The following TOM1L2 variants were observed in gnomAD, a reference collection of about 807,000 sequenced individuals.
TOM1L2 encodes the protein TOM1-like protein 2.
A neutral mutation model predicts 67.9 loss-of-function variants in TOM1L2; 31 were observed. The observed-to-expected ratio is 0.46, with a 90% CI of 0.34 to 0.62. The LOEUF (loss-of-function observed/expected upper bound fraction) is 0.62, where lower values mean the gene tolerates loss of function less well. TOM1L2 is among the 20% of genes least tolerant of loss of function. TOM1L2 has a pLI of 0.01. For synonymous variants in TOM1L2, 256 were observed against 254.0 expected (o/e 1.01, Z -0.07); for missense variants, 606 against 663.5 (o/e 0.91, Z 0.95).
At chr17:17,899,383 G>A (rs1343914620) in intron 2 of TOM1L2, among the ~76,000 whole-genome samples, 4 of 152,184 alleles carry the variant, frequency 2.6e-5, no homozygotes. Context: ...ACAGATCTGA[G>A]GTGGATTCCC....
At chr17:17,848,960 A>C in intron 13 of TOM1L2, 101 bp from the exon 14 acceptor site, 3 of 1,172,398 alleles carry the variant, frequency 2.6e-6, no homozygotes, top group Non-Finnish European at 3.7e-6. Flanking sequence ...AGCACTGCCC[A>C]GGGTAGCCTG....
intron 1 of TOM1L2, among the ~76,000 whole-genome samples, chr17:17,965,303 T>A (rs1488976177): frequency 1.3e-5 from 2 of 152,064 alleles, no homozygotes; most frequent in African/African-American, 4.8e-5. Flanking sequence ...CTCCACACAA[T>A]CAGGCCTTAT....
At chr17:17,951,428 T>C (rs1200700894) in intron 1 of TOM1L2, among the ~76,000 whole-genome samples, 1 of 152,204 alleles carries the variant, frequency 6.6e-6, no homozygotes, top group Non-Finnish European at 1.5e-5. Context: ...GGGTAGACAC[T>C]GTAGATTCTC....
At chr17:17,854,484 G>T (rs1195307497) in intron 12 of TOM1L2, among the ~76,000 whole-genome samples, 1 of 151,850 alleles carries the variant, frequency 6.6e-6, no homozygotes, top group Non-Finnish European at 1.5e-5. Context: ...ATGTGTCATA[G>T]TTTTATTTTT....
chr17:17,861,622 C>T, intron 11 of TOM1L2, 71 bp from the exon 12 acceptor site: 2 of 1,323,758 alleles, frequency 1.5e-6, no homozygotes. Context: ...GGGTAGTGGC[C>T]TGTAATCACT....
chr17:17,919,799 T>C (rs1167080658), intron 1 of TOM1L2, among the ~76,000 whole-genome samples: 1 of 152,158 alleles, frequency 6.6e-6, no homozygotes, highest in Non-Finnish European at 1.5e-5. Flanking sequence ...AATGAAAACC[T>C]GTTTATTTGG....
chr17:17,913,187 G>A (rs2039475561), intron 1 of TOM1L2, among the ~76,000 whole-genome samples: 1 of 151,096 alleles, frequency 6.6e-6, no homozygotes. Flanking sequence ...GAAACAGAGG[G>A]AGAGGGAGAC....
At chr17:17,961,828 C>T (rs887751505) in intron 1 of TOM1L2, among the ~76,000 whole-genome samples, 69 of 148,592 alleles carry the variant, frequency 4.6e-4, no homozygotes, top group Non-Finnish European at 8.0e-4. Context: ...GCAGAGATTG[C>T]ACCACTGCAC....
intron 1 of TOM1L2, among the ~76,000 whole-genome samples, chr17:17,953,530 C>T (rs2144924880): frequency 6.6e-6 from 1 of 152,270 alleles, no homozygotes; most frequent in Admixed American, 6.5e-5. Context: ...AGGCAGATCC[C>T]AAATAGGGAC....
intron 13 of TOM1L2, among the ~76,000 whole-genome samples, chr17:17,849,191 C>G (rs1009767532): frequency 6.6e-6 from 1 of 152,250 alleles, no homozygotes; most frequent in Non-Finnish European, 1.5e-5. Context: ...ACCTTTGGCA[C>G]TCTTGAGGCT....
At chr17:17,850,200 T>TCCG (rs994548761) in intron 13 of TOM1L2, among the ~76,000 whole-genome samples, 10 of 152,150 alleles carry the variant, frequency 6.6e-5, no homozygotes, top group Non-Finnish European at 1.5e-4. Context: ...CACTTCTTCA[T>TCCG]CCGCCACCCT....
intron 1 of TOM1L2, 86 bp downstream of exon 1, chr17:17,972,176 A>G: frequency 6.6e-7 from 1 of 1,509,750 alleles, no homozygotes; most frequent in Non-Finnish European, 9.0e-7. Context: ...GTGAAGTGGC[A>G]CCGGCGCCCG....
intron 13 of TOM1L2, 56 bp from the exon 14 acceptor site, chr17:17,848,915 C>T: frequency 2.5e-6 from 4 of 1,598,034 alleles, no homozygotes; most frequent in Non-Finnish European, 3.4e-6. Context: ...ACTGCCCGCC[C>T]AGCCACCTCT....
chr17:17,889,329 A>AC (rs2038155317), intron 4 of TOM1L2, among the ~76,000 whole-genome samples: 1 of 152,208 alleles, frequency 6.6e-6, no homozygotes, highest in Non-Finnish European at 1.5e-5. Context: ...GGGTAGGCTG[A>AC]CCATGCCTGC....
intron 3 of TOM1L2, among the ~76,000 whole-genome samples, chr17:17,896,565 G>C (rs1598288297): frequency 6.6e-6 from 1 of 152,212 alleles, no homozygotes; most frequent in African/African-American, 2.4e-5. Context: ...ATCTGAGCAG[G>C]AGATCTAGGA....
chr17:17,949,472 A>C lies in TOM1L2; in HGVS notation c.52+22790T>G, dbSNP rs77413472. Among the ~76,000 whole-genome samples, 609 of 152,220 alleles carry C rather than the reference A, an allele frequency of 4.0e-3. 2 individuals are homozygous for C. Among genetic ancestry groups the C allele is most frequent in the East Asian group, 0.039 (202 of 5,178 alleles). ...GCTAGAGTCTTACAGGATAAATACC[A>C]CCCCACTCCGATGCTACAATCTGAC... On this transcript the variant is annotated intron_variant, in intron 1 of 14. Transcript: ENST00000379504.
chr17:17,894,628 C>G (rs2038460325), intron 3 of TOM1L2, among the ~76,000 whole-genome samples: 1 of 152,200 alleles, frequency 6.6e-6, no homozygotes, highest in Admixed American at 6.5e-5. Flanking sequence ...GAAAGATTAG[C>G]AAGAATACGT....
At chr17:17,861,770 C>T in intron 11 of TOM1L2, 1 of 506,968 alleles carries the variant, frequency 2.0e-6, no homozygotes, top group Middle Eastern at 5.1e-4. Flanking sequence ...TCAGGCTGAG[C>T]CACTAATCTC....
chr17:17,872,151 A>G (rs898914724), intron 7 of TOM1L2: 8 of 531,382 alleles, frequency 1.5e-5, no homozygotes, highest in Non-Finnish European at 1.9e-5. Context: ...CCAACAACAC[A>G]GGGGAAACAC....
Sources: allele counts gnomAD v4.1 joint callset (sites outside exome capture counted in the v4.1 genomes callset), GRCh38; gene constraint gnomAD v4.1.1; transcripts MANE v1.5; gene names NCBI Gene and HGNC (gene_info 2026-07-23, HGNC 2026-07-21).